The following TMEM131L variants were observed in gnomAD, a reference collection of about 807,000 sequenced individuals.
The protein encoded by TMEM131L is transmembrane protein 131-like.
Under a neutral mutation model 192.2 loss-of-function variants are expected in TMEM131L, and 54 were observed. The ratio of observed to expected loss-of-function variants is 0.28; its 90% confidence interval spans 0.23 to 0.35. TMEM131L has a LOEUF of 0.35. Among genes scored for constraint, TMEM131L ranks in the 10% least tolerant of loss-of-function variants. The pLI, the probability that TMEM131L is intolerant of heterozygous loss-of-function variation, is 1.00. For missense variants in TMEM131L, 1,888 were observed against 1,972.9 expected, an observed-to-expected ratio of 0.96 and a Z score of 0.82; for synonymous variants, 701 against 704.9, an observed-to-expected ratio of 0.99 and a Z score of 0.09.
chr4:153,558,156 A>T, intron 6 of TMEM131L, 102 bp from the exon 7 acceptor site: 1 of 585,564 alleles, frequency 1.7e-6, no homozygotes, highest in Non-Finnish European at 3.2e-6. Flanking sequence ...CTTGAAGGCC[A>T]TGCTGATGAA....
chr4:153,602,140 G>T lies in TMEM131L; in HGVS notation c.2267-12G>T, dbSNP rs1275784507. The T allele has an allele frequency of 2.8e-6, 4 of 1,444,108 alleles. No individual in the cohort carries two copies. Among genetic ancestry groups the T allele is most frequent in the Admixed American group, 2.3e-5 (1 of 43,914 alleles). 89.5% of individuals were successfully genotyped at this position (1,444,108 alleles called of 1,614,324 possible). A position where few individuals can be genotyped will look rare whatever the true frequency, so the allele number is the denominator to read the frequency against. ...TCACATATACTAAATATCTTTTTTT[G>T]GTTCCCATTAGAACTGAAAGACAGT... On this transcript the variant is annotated splice_polypyrimidine_tract_variant and intron_variant, in intron 21 of 34. Coordinates refer to ENST00000409959, the MANE Select transcript of TMEM131L (RefSeq NM_001131007.2).
intron 3 of TMEM131L, among the ~76,000 whole-genome samples, chr4:153,500,798 C>T (rs1475542650): frequency 3.9e-5 from 6 of 152,194 alleles, no homozygotes; most frequent in African/African-American, 1.2e-4. Flanking sequence ...AACACACACG[C>T]TCACACACGC....
intron 3 of TMEM131L, among the ~76,000 whole-genome samples, chr4:153,501,231 A>C (rs1580081865): frequency 8.1e-6 from 1 of 123,240 alleles, no homozygotes; most frequent in Admixed American, 1.0e-4. Flanking sequence ...TTTGAGACGG[A>C]GTCTCGCTCT....
intron 3 of TMEM131L, among the ~76,000 whole-genome samples, chr4:153,487,984 T>G (rs1320900449): frequency 5.1e-5 from 2 of 39,314 alleles, no homozygotes; most frequent in East Asian, 7.6e-4. Flanking sequence ...GCTGGTTGTG[T>G]GTGTTTGTGT....
chr4:153,575,447 G>C (rs1729869242), intron 7 of TMEM131L, among the ~76,000 whole-genome samples: 1 of 151,990 alleles, frequency 6.6e-6, no homozygotes, highest in Admixed American at 6.6e-5. Context: ...TAGGCCTTTA[G>C]GTACCTAGGA....
intron 28 of TMEM131L, among the ~76,000 whole-genome samples, 185 bp from the exon 29 acceptor site, chr4:153,622,713 C>T (rs1475430742): frequency 6.6e-6 from 1 of 152,178 alleles, no homozygotes; most frequent in African/African-American, 2.4e-5. Context: ...AGTAGACGGC[C>T]CATCCCCTAT....
At chr4:153,479,738 G>A (rs1482310304) in intron 3 of TMEM131L, among the ~76,000 whole-genome samples, 1 of 152,156 alleles carries the variant, frequency 6.6e-6, no homozygotes, top group Non-Finnish European at 1.5e-5. Flanking sequence ...ACCAGTGAAA[G>A]GTGGATCTTG....
chr4:153,538,905 G>A (rs962699116), intron 3 of TMEM131L, among the ~76,000 whole-genome samples: 1 of 147,890 alleles, frequency 6.8e-6, no homozygotes, highest in African/African-American at 2.4e-5. Context: ...GCAGCAGTTT[G>A]GAAACTGCCG....
chr4:153,576,187 C>T (rs1270407089), intron 7 of TMEM131L, among the ~76,000 whole-genome samples: 1 of 152,186 alleles, frequency 6.6e-6, no homozygotes, highest in African/African-American at 2.4e-5. Flanking sequence ...GTCTTGATCT[C>T]CTGACCTCGT....
intron 3 of TMEM131L, among the ~76,000 whole-genome samples, chr4:153,493,117 C>A (rs1732901005): frequency 6.6e-6 from 1 of 151,886 alleles, no homozygotes; most frequent in African/African-American, 2.4e-5. Context: ...GAGGCCGAGG[C>A]AGGTGGGTCA....
At chr4:153,619,451 A>G (rs772194359) in intron 26 of TMEM131L, among the ~76,000 whole-genome samples, 3 of 152,248 alleles carry the variant, frequency 2.0e-5, no homozygotes, top group Non-Finnish European at 4.4e-5. Context: ...AGGGCTTTGT[A>G]TGCTTAACTT....
At chr4:153,471,335 T>C (rs1477688162) in intron 2 of TMEM131L, among the ~76,000 whole-genome samples, 2 of 152,150 alleles carry the variant, frequency 1.3e-5, no homozygotes, top group South Asian at 4.1e-4. Context: ...TTGCCTTAAC[T>C]GGGTTCTCCT....
intron 3 of TMEM131L, among the ~76,000 whole-genome samples, chr4:153,509,361 G>T (rs1207138747): frequency 7.1e-6 from 1 of 141,046 alleles, no homozygotes. Flanking sequence ...GCTAGACCCT[G>T]TCTCAAAAAA....
chr4:153,470,673 G>A (rs1310246828), intron 2 of TMEM131L, among the ~76,000 whole-genome samples: 6 of 152,246 alleles, frequency 3.9e-5, no homozygotes, highest in African/African-American at 1.4e-4. Flanking sequence ...GTAATTGGGT[G>A]TGTGCAGGAT....
Position 153,563,805 on chromosome 4 carries a change from G to T in TMEM131L, c.660+5437G>T, listed in dbSNP as rs146577569. 2.0e-5 allele frequency among the ~76,000 whole-genome samples: 3 copies of T among 152,108 alleles called. No individual in the cohort carries two copies. The South Asian group carries it at 6.2e-4, about 32-fold the overall frequency. On this transcript the variant is annotated intron_variant, in intron 7 of 34. Transcript: ENST00000409959. ...TTGTGTGCAGCGTTGTGATATACACGAACCACGTGTGGTATTTCTCTTCAC... is the reference window on the plus strand; with the variant it reads ...TTGTGTGCAGCGTTGTGATATACACTAACCACGTGTGGTATTTCTCTTCAC...
At chr4:153,482,863 T>A (rs752741821) in intron 3 of TMEM131L, among the ~76,000 whole-genome samples, 6 of 152,310 alleles carry the variant, frequency 3.9e-5, no homozygotes, top group Non-Finnish European at 8.8e-5. Flanking sequence ...AATGTTGGCA[T>A]TACAGGCGTG....
intron 2 of TMEM131L, among the ~76,000 whole-genome samples, chr4:153,471,312 T>C (rs1477597741): frequency 2.0e-5 from 3 of 152,140 alleles, no homozygotes; most frequent in Non-Finnish European, 2.9e-5. Flanking sequence ...TCCTTTGTCT[T>C]GTGCATGTCT....
intron 9 of TMEM131L, among the ~76,000 whole-genome samples, chr4:153,582,378 G>T (rs1730396589): frequency 6.7e-6 from 1 of 149,462 alleles, no homozygotes; most frequent in African/African-American, 2.5e-5. Context: ...CCAAGTAGCT[G>T]GGACCACAGG....
At chr4:153,504,266 CTTTTTTTTTTT>C (rs531620464) in intron 3 of TMEM131L, among the ~76,000 whole-genome samples, 10 of 42,630 alleles carry the variant, frequency 2.3e-4, no homozygotes, top group East Asian at 4.9e-4. Context: ...CGCGGTCGGC[CTTTTTTTTTTT>C]TTTTTTTTTT....
Sources: allele counts gnomAD v4.1 joint callset (sites outside exome capture counted in the v4.1 genomes callset), GRCh38; gene constraint gnomAD v4.1.1; transcripts MANE v1.5; gene names NCBI Gene and HGNC (gene_info 2026-07-23, HGNC 2026-07-21).